COPG2: variants seen among roughly 807,000 people sequenced by gnomAD.
COPG2 encodes the protein coatomer subunit gamma-2.
A neutral mutation model predicts 46.3 loss-of-function variants in COPG2; 37 were observed. That is an observed-to-expected ratio of 0.80 (90% CI 0.61 to 1.05). COPG2 has a LOEUF of 1.05. COPG2 is among the 50% of genes least tolerant of loss of function. The pLI, the probability that COPG2 is intolerant of heterozygous loss-of-function variation, is 0.00. For missense variants in COPG2, 427 were observed against 387.8 expected (o/e 1.10, Z -0.85); for synonymous variants, 159 against 129.7 (o/e 1.23, Z -1.53).
intron 13 of COPG2, 55 bp downstream of exon 13, chr7:130,554,982 C>T (rs1793597762): frequency 2.5e-6 from 1 of 398,024 alleles, no homozygotes; most frequent in African/African-American, 2.1e-5. Context: ...TATTTCATGG[C>T]AATCCTAAGA....
At chr7:130,527,095 G>A (rs1799781920) in intron 20 of COPG2, among the ~76,000 whole-genome samples, 1 of 151,038 alleles carries the variant, frequency 6.6e-6, no homozygotes, top group Non-Finnish European at 1.5e-5. Flanking sequence ...TTCAGGTAGG[G>A]TGGAAGTTCA....
chr7:130,664,468 C>T (rs1380616346), intron 3 of COPG2, among the ~76,000 whole-genome samples: 1 of 152,216 alleles, frequency 6.6e-6, no homozygotes, highest in East Asian at 1.9e-4. Flanking sequence ...GAAAACCTTA[C>T]ATCCTACTTT....
At chr7:130,568,590 T>C (rs1793843271) in intron 9 of COPG2, among the ~76,000 whole-genome samples, 2 of 151,820 alleles carry the variant, frequency 1.3e-5, no homozygotes, top group Non-Finnish European at 2.9e-5. Context: ...AGAAATGAGA[T>C]AGACGGCAAC....
intron 5 of COPG2, among the ~76,000 whole-genome samples, chr7:130,644,795 C>G (rs1392610952): frequency 6.6e-6 from 1 of 152,156 alleles, no homozygotes; most frequent in Non-Finnish European, 1.5e-5. Flanking sequence ...GGCGCAGTGG[C>G]TCACGCCTGT....
chr7:130,668,597 C>A, intron 1 of COPG2, 35 bp downstream of exon 1: 1 of 1,502,930 alleles, frequency 6.7e-7, no homozygotes, highest in South Asian at 1.3e-5. Flanking sequence ...GGGCGTCCCG[C>A]GGCTGAGGGT....
intron 9 of COPG2, among the ~76,000 whole-genome samples, chr7:130,597,459 G>A (rs553735393): frequency 9.8e-4 from 149 of 152,286 alleles, no homozygotes; most frequent in African/African-American, 3.2e-3. Context: ...TCCATGTGTT[G>A]TACCCCTGAG....
chr7:130,585,131 G>A (rs1554447831), intron 9 of COPG2, among the ~76,000 whole-genome samples: 1 of 152,046 alleles, frequency 6.6e-6, no homozygotes. Flanking sequence ...ATAGGCCAAT[G>A]TAACAGAATA....
At chr7:130,572,415 A>G (rs1793922597) in intron 9 of COPG2, among the ~76,000 whole-genome samples, 1 of 152,132 alleles carries the variant, frequency 6.6e-6, no homozygotes, top group African/African-American at 2.4e-5. Context: ...TAAAAATACA[A>G]ATTCTTTCTC....
chr7:130,623,465 G>A (rs1029751340), intron 5 of COPG2, among the ~76,000 whole-genome samples: 9 of 152,180 alleles, frequency 5.9e-5, no homozygotes, highest in East Asian at 1.9e-4. Context: ...AATTGTACAC[G>A]CCTTAGATTT....
chr7:130,578,708 C>A (rs1196436086), intron 9 of COPG2, among the ~76,000 whole-genome samples: 3 of 151,908 alleles, frequency 2.0e-5, no homozygotes, highest in African/African-American at 7.3e-5. Flanking sequence ...AATGCAGAAG[C>A]CTCAGGAGCC....
At chr7:130,616,550 A>G (rs1554452863) in intron 6 of COPG2, among the ~76,000 whole-genome samples, 1 of 152,166 alleles carries the variant, frequency 6.6e-6, no homozygotes, top group Non-Finnish European at 1.5e-5. Flanking sequence ...AGATCGTGCC[A>G]CTGCACTCCA....
At position 130,601,461 on chromosome 7, in the gene COPG2, C is replaced by T. The variant is rs1346456100; in HGVS notation, c.737+9492G>A. On this transcript the variant is annotated intron_variant, in intron 9 of 23. Transcript: ENST00000425248. ...GGGTAAAGATAATGTGGCACATATA[C>T]ACCATGTAATACTATGCAGCCATAA... 2.6e-5 allele frequency among the ~76,000 whole-genome samples: 4 copies of T among 152,204 alleles called. No homozygotes were observed. The South Asian group carries it at 6.2e-4, about 24-fold the overall frequency.
At chr7:130,622,182 C>G (rs1266937417) in intron 5 of COPG2, among the ~76,000 whole-genome samples, 2 of 152,106 alleles carry the variant, frequency 1.3e-5, no homozygotes, top group African/African-American at 4.8e-5. Flanking sequence ...GAGTGGGTCA[C>G]TGATGCTGGC....
Position 130,668,744 on chromosome 7 carries a change from G to A in COPG2, c.-76C>T. On this transcript the variant is annotated 5_prime_UTR_variant, in exon 1 of 24. Coordinates refer to ENST00000425248, the MANE Select transcript of COPG2 (RefSeq NM_012133.6). ...CAGCCGGCGAGCGGAAGAGGCTGCA[G>A]GAAGGCCGGCCCCGCGCTCTCACGC... is the stretch of plus-strand genomic sequence containing the variant. The A allele has an allele frequency of 5.4e-6, 8 of 1,474,598 alleles. No homozygotes were observed. The highest frequency in any genetic ancestry group is 1.3e-5 in the South Asian group (1 of 77,414). The allele number at this position is 1,474,598 out of a possible 1,614,324, so 91.3% of individuals were successfully genotyped here. A position where few individuals can be genotyped will look rare whatever the true frequency, so the allele number is the denominator to read the frequency against.
At chr7:130,646,761 G>T (rs1263429859) in intron 5 of COPG2, among the ~76,000 whole-genome samples, 3 of 151,654 alleles carry the variant, frequency 2.0e-5, no homozygotes, top group African/African-American at 7.3e-5. Flanking sequence ...AGTTTTTGCT[G>T]TGCTTTCACT....
At chr7:130,545,973 T>C (rs1020868273) in intron 20 of COPG2, among the ~76,000 whole-genome samples, 2 of 152,200 alleles carry the variant, frequency 1.3e-5, no homozygotes, top group Non-Finnish European at 2.9e-5. Context: ...GAATACTTTC[T>C]GGGGTGTGAG....
intron 9 of COPG2, among the ~76,000 whole-genome samples, chr7:130,586,775 A>C (rs1305385926): frequency 6.6e-6 from 1 of 151,802 alleles, no homozygotes; most frequent in Non-Finnish European, 1.5e-5. Flanking sequence ...TTATGGAAAA[A>C]TTTTCTAAAA....
At chr7:130,607,448 T>G (rs372066049) in intron 9 of COPG2, 1 of 444,750 alleles carries the variant, frequency 2.2e-6, no homozygotes, top group South Asian at 1.7e-5. Context: ...CTATTAAACA[T>G]TGTAATGATA....
At chr7:130,598,789 A>G (rs1384973302) in intron 9 of COPG2, among the ~76,000 whole-genome samples, 1 of 152,234 alleles carries the variant, frequency 6.6e-6, no homozygotes, top group Non-Finnish European at 1.5e-5. Flanking sequence ...ATCCAGCTAA[A>G]TAATTTCAAT....
Sources: gnomAD v4.1 joint callset for allele counts (sites outside exome capture counted in the v4.1 genomes callset) on GRCh38, gnomAD v4.1.1 for gene constraint, MANE v1.5 for transcripts, NCBI Gene and HGNC (gene_info 2026-07-23, HGNC 2026-07-21) for gene names.